The following GLB1 variants were observed in gnomAD, a reference collection of about 807,000 sequenced individuals.
GLB1 encodes the protein beta-galactosidase.
Under a neutral mutation model 74.0 loss-of-function variants are expected in GLB1, and 56 were observed. The ratio of observed to expected loss-of-function variants is 0.76; its 90% CI spans 0.61 to 0.94. The LOEUF (loss-of-function observed/expected upper bound fraction) is 0.94. Ranked by LOEUF, GLB1 falls within the 40% of genes least tolerant of loss-of-function variation. The probability of loss-of-function intolerance (pLI) is 0.00; values close to 1 mark genes in which losing one functional copy is unlikely to be tolerated. For missense variants in GLB1, 787 were observed against 845.5 expected (o/e 0.93, Z 0.86); for synonymous variants, 323 against 323.6 (o/e 1.00, Z 0.02).
intron 1 of GLB1, among the ~76,000 whole-genome samples, chr3:33,090,108 C>T (rs1700685112): frequency 1.3e-5 from 2 of 152,108 alleles, no homozygotes; most frequent in Admixed American, 1.3e-4. Context: ...GCTACTAGCC[C>T]CAAATCTCCT....
At chr3:32,988,185 CAAA>C in the GLB1 span, among the ~76,000 whole-genome samples, 788 of 60,400 alleles carry the variant, frequency 0.013, 4 homozygotes, top group African/African-American at 0.037. Context: ...GACTCCATCT[CAAA>C]AAAAAAAAAA....
chr3:32,995,389 T>C (rs902054084), downstream of GLB1, among the ~76,000 whole-genome samples: 7 of 151,658 alleles, frequency 4.6e-5, no homozygotes, highest in African/African-American at 1.7e-4. Context: ...AGTGGAGGAG[T>C]AATGAAATGA....
At chr3:33,042,618 C>T (rs546364818) in intron 10 of GLB1, among the ~76,000 whole-genome samples, 2 of 152,256 alleles carry the variant, frequency 1.3e-5, no homozygotes, top group East Asian at 1.9e-4. Flanking sequence ...CCGCCCGCCT[C>T]GGCCTCCCAA....
chr3:33,075,125 C>T (rs937910900), intron 1 of GLB1, among the ~76,000 whole-genome samples: 2 of 152,178 alleles, frequency 1.3e-5, no homozygotes, highest in African/African-American at 4.8e-5. Flanking sequence ...TTATTTCTTA[C>T]ACCAGGTGTC....
At chr3:32,980,545 G>A in the GLB1 span, among the ~76,000 whole-genome samples, 1 of 152,194 alleles carries the variant, frequency 6.6e-6, no homozygotes, top group African/African-American at 2.4e-5. Flanking sequence ...AGCTTTGGGA[G>A]GCCAAGGTGG....
At chr3:32,982,810 CTGTTTA>C in the GLB1 span, among the ~76,000 whole-genome samples, 51 of 152,274 alleles carry the variant, frequency 3.3e-4, no homozygotes, top group African/African-American at 1.0e-3. Flanking sequence ...GTGAGAGTCT[CTGTTTA>C]TGTTTATCAT....
intron 13 of GLB1, 48 bp from the exon 14 acceptor site, chr3:33,016,888 C>T: frequency 6.2e-7 from 1 of 1,607,706 alleles, no homozygotes; most frequent in Non-Finnish European, 8.5e-7. Flanking sequence ...GTAAGAAGGT[C>T]AGCAAGGAGA....
intron 1 of GLB1, chr3:33,090,418 G>C (rs969368868): frequency 1.0e-6 from 1 of 985,306 alleles, no homozygotes; most frequent in African/African-American, 1.7e-5. Context: ...AGCATGGATG[G>C]GTATTTGGAA....
chr3:32,981,540 G>A, the GLB1 span, among the ~76,000 whole-genome samples: 3 of 152,130 alleles, frequency 2.0e-5, no homozygotes, highest in African/African-American at 4.8e-5. Flanking sequence ...TTGGGAGGCC[G>A]ATATGGGTAG....
chr3:32,997,107 C>T lies in GLB1; in HGVS notation c.1972G>A (p.Glu658Lys), dbSNP rs749646447. 1.2e-6 allele frequency: 2 copies of T among 1,614,076 alleles called. No homozygotes were observed. The highest frequency in any genetic ancestry group is 1.1e-5 in the South Asian group (1 of 91,080). Residue 658 changes from glutamate to lysine, a missense_variant, in exon 16 of 16, where the codon GAA becomes AAA. By Grantham distance (56) the Glu-to-Lys change is moderately conservative (BLOSUM62 1). Coordinates refer to ENST00000307363, the MANE Select transcript of GLB1 (RefSeq NM_000404.4). ...GGGGGTGGGGGCATGAGTCTTTTTT[C>T]AACAGGTTTGGAGGGATGATCGTAG... ...VTYDHPSKPV[E>K]KRLMPPPPQK...
rs1179234230 is a variant in GLB1 at position 33,021,671 on chromosome 3, A to G, written c.1144-16T>C. On this transcript the variant is annotated splice_polypyrimidine_tract_variant and intron_variant, in intron 11 of 15. Coordinates refer to ENST00000307363, the MANE Select transcript of GLB1 (RefSeq NM_000404.4). ...CTGTCTTTAACTGAAAAGAAACAAA[A>G]GCAGCATTCACACACTGCACCCCTC... 2.5e-6 allele frequency: 4 copies of G among 1,611,612 alleles called. No homozygotes were observed. Among genetic ancestry groups the G allele is most frequent in the Non-Finnish European group, 3.4e-6 (4 of 1,178,972 alleles).
chr3:33,035,466 A>T (rs1211782976), intron 10 of GLB1, among the ~76,000 whole-genome samples: 1 of 152,126 alleles, frequency 6.6e-6, no homozygotes, highest in Non-Finnish European at 1.5e-5. Flanking sequence ...TTAATCATTT[A>T]ATCTTTTTGT....
intron 1 of GLB1, among the ~76,000 whole-genome samples, chr3:33,079,377 C>T (rs1700242797): frequency 6.6e-6 from 1 of 152,182 alleles, no homozygotes; most frequent in South Asian, 2.1e-4. Flanking sequence ...TACTAACAAA[C>T]ACTGACTGCT....
chr3:33,070,234 G>C (rs2125550705), intron 2 of GLB1, among the ~76,000 whole-genome samples: 1 of 152,124 alleles, frequency 6.6e-6, no homozygotes, highest in Non-Finnish European at 1.5e-5. Context: ...TTATATACTT[G>C]TTTGTAAGTC....
chr3:33,076,360 C>T (rs550927633), intron 1 of GLB1, among the ~76,000 whole-genome samples: 8 of 152,156 alleles, frequency 5.3e-5, no homozygotes, highest in Non-Finnish European at 8.8e-5. Flanking sequence ...AGGGCCAGAT[C>T]GAATGAGCCC....
At chr3:32,995,677 AAAAAC>A (rs975307705), downstream of GLB1, among the ~76,000 whole-genome samples, 10 of 151,800 alleles carry the variant, frequency 6.6e-5, no homozygotes, top group African/African-American at 2.2e-4. Flanking sequence ...CTCCCTCCTT[AAAAAC>A]AAAACAAAAC....
intron 4 of GLB1, among the ~76,000 whole-genome samples, chr3:33,065,943 G>A (rs1465595542): frequency 1.4e-5 from 2 of 147,206 alleles, no homozygotes; most frequent in East Asian, 4.0e-4. Flanking sequence ...ACTCCAGCCT[G>A]GGCAACAAGA....
the GLB1 span, among the ~76,000 whole-genome samples, chr3:32,983,400 G>T: frequency 6.6e-6 from 1 of 152,188 alleles, no homozygotes; most frequent in East Asian, 1.9e-4. Flanking sequence ...CCCATATGTT[G>T]TGTTTTAAAA....
chr3:33,078,590 A>G (rs1263924373), intron 1 of GLB1, among the ~76,000 whole-genome samples: 1 of 152,242 alleles, frequency 6.6e-6, no homozygotes, highest in Non-Finnish European at 1.5e-5. Context: ...GGACATTTTA[A>G]AAGTCCAATG....
Sources: allele counts gnomAD v4.1 joint callset (sites outside exome capture counted in the v4.1 genomes callset), GRCh38; gene constraint gnomAD v4.1.1; transcripts MANE v1.5; gene names NCBI Gene and HGNC (gene_info 2026-07-23, HGNC 2026-07-21).